The following MAST4 variants were observed in gnomAD, a reference collection of about 807,000 sequenced individuals.
MAST4 encodes microtubule-associated serine/threonine-protein kinase 4.
Under a neutral mutation model 162.7 loss-of-function variants are expected in MAST4, and 89 were observed. The ratio of observed to expected loss-of-function variants is 0.55; its 90% CI spans 0.46 to 0.65. The LOEUF (loss-of-function observed/expected upper bound fraction) is 0.65, where lower values mean the gene tolerates loss of function less well. MAST4 is among the 30% of genes least tolerant of loss of function. MAST4 has a pLI of 0.00. For synonymous variants in MAST4, 1,479 were observed against 1,361.1 expected, an observed-to-expected ratio of 1.09 and a Z score of -1.91; for missense variants, 3,153 against 3,374.0, an observed-to-expected ratio of 0.93 and a Z score of 1.62.
intron 1 of MAST4, among the ~76,000 whole-genome samples, chr5:66,746,566 G>C (rs1752771524): frequency 6.6e-6 from 1 of 152,212 alleles, no homozygotes; most frequent in East Asian, 1.9e-4. Flanking sequence ...ATAATGTCAG[G>C]TTTTGTGGCA....
intron 16 of MAST4, among the ~76,000 whole-genome samples, chr5:67,133,052 G>T (rs1366959968): frequency 6.6e-6 from 1 of 152,072 alleles, no homozygotes; most frequent in Admixed American, 6.6e-5. Flanking sequence ...TGCTTAATGA[G>T]TAGAAATTTA....
In MAST4 at chr5:66,675,077, C is replaced by T. The variant is rs575318549; in HGVS notation, c.363+78059C>T. Among the ~76,000 whole-genome samples, 137 of 152,246 alleles carry T rather than the reference C, an allele frequency of 9.0e-4. 1 individual carries two copies. The highest frequency in any genetic ancestry group is 1.9e-3 in the South Asian group (9 of 4,822). ...TTGCTGGACCCTTGACTCTGCCTGC[C>T]GTATGCATTCTGAACTGCCCTCGCC... On this transcript the variant is annotated intron_variant, in intron 1 of 28. Transcript: ENST00000403625.
rs1332839706 is a variant in MAST4 at position 66,837,901 on chromosome 5, T to A, written c.642+49107T>A. Among the ~76,000 whole-genome samples, 184 of 43,956 alleles carry A rather than the reference T, an allele frequency of 4.2e-3. 1 individual carries two copies. Among genetic ancestry groups the A allele is most frequent in the African/African-American group, 0.011 (169 of 15,332 alleles). 28.8% of individuals were successfully genotyped at this position (43,956 alleles called of 152,430 possible). A position where few individuals can be genotyped will look rare whatever the true frequency, so the allele number is the denominator to read the frequency against. ...ATATATATATATATATATATTTTTT[T>A]TTTTTTTTTTTTTTTTAATGTGGAG... On this transcript the variant is annotated intron_variant, in intron 3 of 28. Coordinates refer to ENST00000403625, the MANE Select transcript of MAST4 (RefSeq NM_001164664.2).
intron 3 of MAST4, among the ~76,000 whole-genome samples, chr5:66,805,260 C>T (rs141567601): frequency 1.3e-3 from 194 of 152,302 alleles, no homozygotes; most frequent in East Asian, 5.8e-3. Context: ...TACTACTTTT[C>T]GCATATACTA....
At chr5:67,009,022 C>T (rs1752365240) in intron 4 of MAST4, among the ~76,000 whole-genome samples, 2 of 152,148 alleles carry the variant, frequency 1.3e-5, no homozygotes, top group African/African-American at 4.8e-5. Context: ...CTGTACTCAC[C>T]CCTTTTACCC....
intron 1 of MAST4, among the ~76,000 whole-genome samples, chr5:66,668,364 G>T (rs1747400217): frequency 1.3e-5 from 2 of 152,178 alleles, no homozygotes; most frequent in Non-Finnish European, 2.9e-5. Context: ...GCTTGTAGCA[G>T]ATATGCAAGA....
At chr5:66,617,017 C>T (rs1274883196) in intron 1 of MAST4, among the ~76,000 whole-genome samples, 1 of 152,184 alleles carries the variant, frequency 6.6e-6, no homozygotes, top group Non-Finnish European at 1.5e-5. Context: ...ACACCTTGCA[C>T]ATTCATATCT....
intron 1 of MAST4, among the ~76,000 whole-genome samples, chr5:66,665,589 C>A (rs866157540): frequency 2.0e-5 from 3 of 152,162 alleles, no homozygotes; most frequent in Admixed American, 2.0e-4. Context: ...CCCCCAACCC[C>A]GACAGACTTC....
intron 1 of MAST4, among the ~76,000 whole-genome samples, chr5:66,597,333 C>G (rs897530376): frequency 5.3e-5 from 8 of 152,230 alleles, no homozygotes; most frequent in Non-Finnish European, 8.8e-5. Context: ...ATCTGGACAT[C>G]TGGCGTGTCC....
rs543091603 is a variant in MAST4 at position 66,993,597 on chromosome 5, G to A, written c.675-60807G>A. 2.0e-5 allele frequency among the ~76,000 whole-genome samples: 3 copies of A among 152,274 alleles called. No individual in the cohort carries two copies. The South Asian group carries it at 6.2e-4, about 32-fold the overall frequency. ...CTTACAGCTCATGCTTGAAAGATGT[G>A]CAGGTTTCCAAGCAGAGGAGCTGGA... On this transcript the variant is annotated intron_variant, in intron 4 of 28. Transcript: ENST00000403625.
At chr5:66,641,895 GA>G in intron 1 of MAST4, among the ~76,000 whole-genome samples, 1 of 152,170 alleles carries the variant, frequency 6.6e-6, no homozygotes, top group Admixed American at 6.5e-5. Context: ...TGATAAATAG[GA>G]AAAAATAACC....
At chr5:67,005,129 T>C in intron 4 of MAST4, 2 of 725,418 alleles carry the variant, frequency 2.8e-6, no homozygotes, top group East Asian at 2.6e-5. Context: ...ATGCTTTCAC[T>C]TCCCAGGGGC....
chr5:66,687,725 G>A (rs1174671964), intron 1 of MAST4, among the ~76,000 whole-genome samples: 1 of 151,872 alleles, frequency 6.6e-6, no homozygotes, highest in East Asian at 1.9e-4. Flanking sequence ...TGGATACTTT[G>A]GTTGAATCCA....
intron 10 of MAST4, among the ~76,000 whole-genome samples, chr5:67,108,564 T>C (rs1237765955): frequency 6.6e-6 from 1 of 152,208 alleles, no homozygotes; most frequent in Non-Finnish European, 1.5e-5. Context: ...TCCTGGTTAC[T>C]AGGACCTGTC....
Position 67,087,311 on chromosome 5 carries a change from C to T in MAST4, c.764-2851C>T, listed in dbSNP as rs1425557129. The stretch of plus-strand genomic sequence containing the variant: ...GTTTGCCCACCAGAATATCCTTTCT[C>T]TTGACCTTCCATGTCCTGGTCTAGG... On this transcript the variant is annotated intron_variant, in intron 5 of 28. Transcript: ENST00000403625. 2.6e-5 allele frequency among the ~76,000 whole-genome samples: 4 copies of T among 152,184 alleles called. No homozygotes were observed. The East Asian group carries it at 7.7e-4, about 29-fold the overall frequency.
rs937787192 is a variant in MAST4 at position 67,110,081 on chromosome 5, T to C, written c.1357-17T>C. 2 of 1,580,874 alleles carry C rather than the reference T, an allele frequency of 1.3e-6. No homozygotes were observed. The highest frequency in any genetic ancestry group is 2.7e-5 in the African/African-American group (2 of 74,182). ...GAACAACTCTGCATCATCACTCTCT[T>C]TATTGCTTTTTCATAGGCTCATGAT... On this transcript the variant is annotated splice_polypyrimidine_tract_variant and intron_variant, in intron 10 of 28. Coordinates refer to ENST00000403625, the MANE Select transcript of MAST4 (RefSeq NM_001164664.2).
chr5:67,090,287 C>A, intron 6 of MAST4, 56 bp downstream of exon 6: 1 of 1,308,118 alleles, frequency 7.6e-7, no homozygotes, highest in East Asian at 2.4e-5. Flanking sequence ...TCCCATTTTC[C>A]TCTCCCTCTC....
chr5:67,007,896 A>G (rs1458117078), intron 4 of MAST4, among the ~76,000 whole-genome samples: 1 of 152,136 alleles, frequency 6.6e-6, no homozygotes, highest in Non-Finnish European at 1.5e-5. Flanking sequence ...CTACAGACAT[A>G]CTCTCAGGCC....
intron 1 of MAST4, among the ~76,000 whole-genome samples, chr5:66,632,614 A>G (rs1304969843): frequency 6.6e-6 from 1 of 152,180 alleles, no homozygotes; most frequent in African/African-American, 2.4e-5. Flanking sequence ...AGTTCATTAC[A>G]AAGTTCTACT....
Sources: gnomAD v4.1 joint callset for allele counts (sites outside exome capture counted in the v4.1 genomes callset) on GRCh38, gnomAD v4.1.1 for gene constraint, MANE v1.5 for transcripts, NCBI Gene and HGNC (gene_info 2026-07-23, HGNC 2026-07-21) for gene names.